Variants in SGCZ observed in about 807,000 individuals in gnomAD.
SGCZ encodes sarcoglycan zeta.
SGCZ carries 40 observed loss-of-function variants against 41.3 expected under a neutral mutation model. The observed-to-expected ratio is 0.97, with a 90% CI of 0.75 to 1.26. SGCZ has a LOEUF of 1.26. Ranked by LOEUF, SGCZ falls within the 50% of genes most tolerant of loss-of-function variation. SGCZ has a pLI of 0.00. For synonymous variants in SGCZ, 206 were observed against 137.5 expected (o/e 1.50, Z -3.49); for missense variants, 552 against 369.8 (o/e 1.49, Z -4.04).
At chr8:14,596,990 G>A (rs956693005) in intron 1 of SGCZ, among the ~76,000 whole-genome samples, 2 of 152,074 alleles carry the variant, frequency 1.3e-5, no homozygotes, top group African/African-American at 4.8e-5. Flanking sequence ...TCTAAGTAAT[G>A]GTATAAGACT....
intron 1 of SGCZ, among the ~76,000 whole-genome samples, chr8:15,128,627 C>T (rs1027900597): frequency 4.6e-5 from 7 of 152,138 alleles, no homozygotes; most frequent in African/African-American, 1.7e-4. Context: ...TCCTGGAATA[C>T]AGTATAAGTT....
At chr8:14,947,442 C>G (rs773853774) in intron 1 of SGCZ, among the ~76,000 whole-genome samples, 1 of 152,122 alleles carries the variant, frequency 6.6e-6, no homozygotes, top group Non-Finnish European at 1.5e-5. Flanking sequence ...TGTGGACAAC[C>G]TCTACAAGAC....
chr8:14,146,014 A>G (rs921378557), intron 5 of SGCZ, among the ~76,000 whole-genome samples: 6 of 152,218 alleles, frequency 3.9e-5, no homozygotes, highest in Non-Finnish European at 8.8e-5. Context: ...AGGTATGGGT[A>G]GAACATTTAT....
intron 2 of SGCZ, among the ~76,000 whole-genome samples, chr8:14,353,953 T>C (rs17119163): frequency 0.026 from 4,003 of 152,214 alleles, 147 homozygotes; most frequent in African/African-American, 0.09. Context: ...TGGAGAAGTC[T>C]AGCTTATTCC....
In SGCZ at chr8:14,139,612, A is replaced by G. The variant is rs568801647; in HGVS notation, c.547+24968T>C. On this transcript the variant is annotated intron_variant, in intron 5 of 7. Transcript: ENST00000382080. ...AGAAGAAAATGATGAATTCCTGGACACATACACCCTCGCAAGACTAAACCA... is the reference window on the plus strand; with the variant it reads ...AGAAGAAAATGATGAATTCCTGGACGCATACACCCTCGCAAGACTAAACCA... Among the ~76,000 whole-genome samples, 5 of 152,310 alleles carry G rather than the reference A, an allele frequency of 3.3e-5. No individual in the cohort carries two copies. The South Asian group carries it at 1.0e-3, about 32-fold the overall frequency.
chr8:14,358,821 G>C (rs1461226413), intron 2 of SGCZ, among the ~76,000 whole-genome samples: 3 of 151,980 alleles, frequency 2.0e-5, no homozygotes, highest in Non-Finnish European at 2.9e-5. Flanking sequence ...ATCTTGGCCA[G>C]GCTGGTCTTG....
At chr8:14,640,997 C>A (rs937618296) in intron 1 of SGCZ, among the ~76,000 whole-genome samples, 2 of 151,586 alleles carry the variant, frequency 1.3e-5, no homozygotes, top group Non-Finnish European at 3.0e-5. Flanking sequence ...TCTATCAATT[C>A]AGAAAGATGG....
chr8:14,405,090 T>A lies in SGCZ; in HGVS notation c.235-80886A>T, dbSNP rs190764548. On this transcript the variant is annotated intron_variant, in intron 2 of 7. Transcript: ENST00000382080. ...CCTGAACTGTGACCCTGCTAACTACTTTCCTTCTCCCCAGACTCAAATTTG... is the reference window on the plus strand; with the variant it reads ...CCTGAACTGTGACCCTGCTAACTACATTCCTTCTCCCCAGACTCAAATTTG... Among the ~76,000 whole-genome samples the A allele has an allele frequency of 8.5e-5, 13 of 152,304 alleles. No homozygotes were observed. In the East Asian group the frequency reaches 2.5e-3, roughly 29 times the overall value.
chr8:14,594,956 A>C (rs2117295542), intron 1 of SGCZ, among the ~76,000 whole-genome samples: 1 of 152,098 alleles, frequency 6.6e-6, no homozygotes. Context: ...GGAGAAAAGG[A>C]GAAATTTCCA....
At chr8:14,611,738 G>C (rs941500036) in intron 1 of SGCZ, among the ~76,000 whole-genome samples, 4 of 151,958 alleles carry the variant, frequency 2.6e-5, no homozygotes, top group Non-Finnish European at 5.9e-5. Context: ...ATCCTAATGT[G>C]ACCTATGCCA....
At chr8:14,974,617 T>C (rs1395305567) in intron 1 of SGCZ, among the ~76,000 whole-genome samples, 2 of 152,054 alleles carry the variant, frequency 1.3e-5, no homozygotes, top group Admixed American at 6.6e-5. Context: ...AACTTCAGTG[T>C]TTTTTGAAGC....
chr8:14,703,321 G>T (rs1809228524), intron 1 of SGCZ, among the ~76,000 whole-genome samples: 1 of 151,846 alleles, frequency 6.6e-6, no homozygotes, highest in South Asian at 2.1e-4. Context: ...TAAATCCCAA[G>T]GACAATTTTG....
intron 1 of SGCZ, among the ~76,000 whole-genome samples, chr8:15,201,119 C>T (rs1315575060): frequency 2.6e-5 from 4 of 152,142 alleles, no homozygotes; most frequent in South Asian, 2.1e-4. Context: ...CAGGTTCAGG[C>T]GATTCTCCCA....
chr8:15,042,885 G>C (rs1006302609), intron 1 of SGCZ, among the ~76,000 whole-genome samples: 2 of 152,086 alleles, frequency 1.3e-5, no homozygotes, highest in South Asian at 4.2e-4. Context: ...TTATCACATG[G>C]GGCATATATT....
intron 1 of SGCZ, among the ~76,000 whole-genome samples, chr8:14,750,748 A>C (rs1362343465): frequency 6.6e-6 from 1 of 152,228 alleles, no homozygotes; most frequent in East Asian, 1.9e-4. Flanking sequence ...ATGCATGACT[A>C]ATCAAGTTGG....
chr8:14,920,388 T>C (rs1331645196), intron 1 of SGCZ, among the ~76,000 whole-genome samples: 1 of 152,190 alleles, frequency 6.6e-6, no homozygotes, highest in Non-Finnish European at 1.5e-5. Context: ...CCTGTTCAAA[T>C]GCACTGTTTT....
chr8:15,018,986 G>A (rs1419969398), intron 1 of SGCZ, among the ~76,000 whole-genome samples: 1 of 152,168 alleles, frequency 6.6e-6, no homozygotes, highest in African/African-American at 2.4e-5. Flanking sequence ...CGGAGCAGGA[G>A]AGGAGATCAA....
chr8:14,855,766 G>A lies in SGCZ; in HGVS notation c.40-300840C>T, dbSNP rs567758790. ...ATAAGCTCAAAGGCAGAACATGCCC[G>A]GTAACATAATAGTAATGTTAAATTC... On this transcript the variant is annotated intron_variant, in intron 1 of 7. Coordinates refer to ENST00000382080, the MANE Select transcript of SGCZ (RefSeq NM_139167.4). Among the ~76,000 whole-genome samples, 7 of 152,218 alleles carry A rather than the reference G, an allele frequency of 4.6e-5. No homozygotes were observed. The South Asian group carries it at 8.3e-4, about 18-fold the overall frequency.
At chr8:14,094,749 C>T (rs955110879) in intron 7 of SGCZ, among the ~76,000 whole-genome samples, 1 of 152,172 alleles carries the variant, frequency 6.6e-6, no homozygotes. Flanking sequence ...TACACTCCCA[C>T]CAACAGTGTA....
Sources: allele counts gnomAD v4.1 joint callset (sites outside exome capture counted in the v4.1 genomes callset), GRCh38; gene constraint gnomAD v4.1.1; transcripts MANE v1.5; gene names NCBI Gene and HGNC (gene_info 2026-07-23, HGNC 2026-07-21).